Variants in ZNF567 observed in about 807,000 individuals in gnomAD.
The protein encoded by ZNF567 is zinc finger protein 567.
ZNF567 carries 36 observed loss-of-function variants against 53.9 expected under a neutral mutation model. The observed-to-expected ratio is 0.67, with a 90% confidence interval of 0.51 to 0.88. The LOEUF (loss-of-function observed/expected upper bound fraction) is 0.88, where lower values mean the gene tolerates loss of function less well. Among genes scored for constraint, ZNF567 ranks in the 40% least tolerant of loss-of-function variants. The pLI, the probability that ZNF567 is intolerant of heterozygous loss-of-function variation, is 0.00. For missense variants in ZNF567, 619 were observed against 764.7 expected, an observed-to-expected ratio of 0.81 and a Z score of 2.25; for synonymous variants, 224 against 260.4, an observed-to-expected ratio of 0.86 and a Z score of 1.35.
At position 36,720,837 on chromosome 19, in the gene ZNF567, G is replaced by T; in HGVS notation, c.*169G>T. Reference sequence around the variant, plus strand: ...GTTTACTAGCATATAAAATAAGTATGATCATTATTATTGAACTCTATCAGC... The same window carrying T: ...GTTTACTAGCATATAAAATAAGTATTATCATTATTATTGAACTCTATCAGC... On this transcript the variant is annotated 3_prime_UTR_variant, in exon 6 of 6. Coordinates refer to ENST00000682579, the MANE Select transcript of ZNF567 (RefSeq NM_001322917.1). The T allele has an allele frequency of 1.8e-6, 1 of 542,954 alleles. No individual in the cohort carries two copies. Among genetic ancestry groups the T allele is most frequent in the Non-Finnish European group, 2.9e-6 (1 of 347,704 alleles). 33.6% of individuals were successfully genotyped at this position (542,954 alleles called of 1,614,324 possible).
At position 36,689,506 on chromosome 19, in the gene ZNF567, TCTCTTA is replaced by T. The variant is rs1033937422; in HGVS notation, c.-67+11_-67+16del. The T allele has an allele frequency of 6.6e-6, 1 of 152,058 alleles. No homozygotes were observed. Among genetic ancestry groups the T allele is most frequent in the Non-Finnish European group, 1.5e-5 (1 of 68,028 alleles). 9.4% of individuals were successfully genotyped at this position (152,058 alleles called of 1,614,324 possible). On this transcript the variant is annotated intron_variant, in intron 2 of 5. Coordinates refer to ENST00000682579, the MANE Select transcript of ZNF567 (RefSeq NM_001322917.1). ...TACCACTATAATTTAGTGTAAGTCA[TCTCTTA>T]CCTTCCAAGAGAACCTGCTGCTTGG...
chr19:36,720,748 T>C lies in ZNF567; in HGVS notation c.*80T>C, dbSNP rs2040273725. On this transcript the variant is annotated 3_prime_UTR_variant, in exon 6 of 6. Coordinates refer to ENST00000682579, the MANE Select transcript of ZNF567 (RefSeq NM_001322917.1). ...AAAAAGAAAAGCATGCTGAAACATG[T>C]TAATGTAATTTTAAATCACAAGTCT... The C allele has an allele frequency of 1.6e-6, 2 of 1,267,020 alleles. No individual in the cohort carries two copies. Among genetic ancestry groups the C allele is most frequent in the Non-Finnish European group, 2.1e-6 (2 of 939,896 alleles). The allele number at this position is 1,267,020 out of a possible 1,614,324, so 78.5% of individuals were successfully genotyped here.
chr19:36,672,340 TC>T, the ZNF567 span, among the ~76,000 whole-genome samples: 12 of 152,330 alleles, frequency 7.9e-5, no homozygotes, highest in African/African-American at 2.9e-4. Flanking sequence ...GATATGGACC[TC>T]GCTGAACAGG....
At chr19:36,687,876 G>A (rs1199546885) in intron 1 of ZNF567, among the ~76,000 whole-genome samples, 1 of 152,210 alleles carries the variant, frequency 6.6e-6, no homozygotes, top group Non-Finnish European at 1.5e-5. Flanking sequence ...CCCGAGGCGG[G>A]GGGTGAGCTC....
At chr19:36,710,077 G>A (rs1280821903) in intron 3 of ZNF567, among the ~76,000 whole-genome samples, 2 of 151,900 alleles carry the variant, frequency 1.3e-5, no homozygotes, top group African/African-American at 2.4e-5. Flanking sequence ...TATCCATGTT[G>A]GATTTTTGAA....
At chr19:36,677,823 C>G in the ZNF567 span, among the ~76,000 whole-genome samples, 1 of 152,084 alleles carries the variant, frequency 6.6e-6, no homozygotes, top group African/African-American at 2.4e-5. Context: ...TATTTATAAT[C>G]TGCTTGCTGG....
At chr19:36,705,272 G>T (rs1045170880) in intron 3 of ZNF567, among the ~76,000 whole-genome samples, 1 of 152,002 alleles carries the variant, frequency 6.6e-6, no homozygotes, top group Non-Finnish European at 1.5e-5. Context: ...TTCTTACATA[G>T]ATGGAAGTGT....
At chr19:36,695,579 G>A (rs1183430844) in intron 3 of ZNF567, among the ~76,000 whole-genome samples, 1 of 151,968 alleles carries the variant, frequency 6.6e-6, no homozygotes, top group Non-Finnish European at 1.5e-5. Context: ...TGCACCTGTG[G>A]TCCCAGTTAT....
At chr19:36,694,909 GTC>G (rs2145603658) in intron 3 of ZNF567, 33 bp downstream of exon 3, 2 of 1,327,510 alleles carry the variant, frequency 1.5e-6, no homozygotes, top group South Asian at 1.4e-5. Flanking sequence ...CTTTCTGAAA[GTC>G]TTTTTTTTTT....
chr19:36,719,263 A>G lies in ZNF567; in HGVS notation c.539A>G (p.Glu180Gly). The change falls in exon 6 of 6, where the codon GAA becomes GGA. Residue 180 changes from glutamate (E) to glycine (G), a missense_variant. Physicochemically the swap from Glu to Gly is moderately conservative, Grantham distance 98. Coordinates refer to ENST00000682579, the MANE Select transcript of ZNF567 (RefSeq NM_001322917.1). ...ACTAAACAAGAGACTACTCATCCTG[A>G]AGTCAAATCCCATAATCAAAGTGCC... ...LSTKQETTHPEVKSHNQSARA... is the reference protein window; with the variant it reads ...LSTKQETTHPGVKSHNQSARA... 1 of 1,614,088 alleles carries G rather than the reference A, an allele frequency of 6.2e-7. No homozygotes were observed. Among genetic ancestry groups the G allele is most frequent in the Non-Finnish European group, 8.5e-7 (1 of 1,179,994 alleles).
intron 3 of ZNF567, among the ~76,000 whole-genome samples, chr19:36,699,556 A>G (rs1025373138): frequency 1.3e-5 from 2 of 152,214 alleles, no homozygotes; most frequent in Admixed American, 6.5e-5. Context: ...ACCCATGAGC[A>G]TGGAATGTTC....
chr19:36,713,182 T>C (rs894425356), intron 5 of ZNF567, among the ~76,000 whole-genome samples: 7 of 151,830 alleles, frequency 4.6e-5, no homozygotes, highest in Non-Finnish European at 8.8e-5. Flanking sequence ...AGGTTGGGTG[T>C]GGTGGCTCAC....
intron 1 of ZNF567, among the ~76,000 whole-genome samples, chr19:36,688,177 CT>C (rs1430394381): frequency 6.6e-6 from 1 of 151,826 alleles, no homozygotes; most frequent in Non-Finnish European, 1.5e-5. Context: ...AAGGTTGTTA[CT>C]TTTTGTAGAA....
downstream of ZNF567, chr19:36,723,173 T>C (rs2040318450): frequency 5.7e-6 from 4 of 702,938 alleles, no homozygotes; most frequent in South Asian, 5.9e-5. Flanking sequence ...GATGGAAGCC[T>C]ACCTTGTTTT....
chr19:36,720,847 A>G lies in ZNF567; in HGVS notation c.*179A>G. 2 of 491,782 alleles carry G rather than the reference A, an allele frequency of 4.1e-6. No individual in the cohort carries two copies. The highest frequency in any genetic ancestry group is 6.5e-6 in the Non-Finnish European group (2 of 305,686). The allele number at this position is 491,782 out of a possible 1,614,324, so 30.5% of individuals were successfully genotyped here. ...ATATAAAATAAGTATGATCATTATT[A>G]TTGAACTCTATCAGCTATGAAGCTA... is the stretch of plus-strand genomic sequence containing the variant. On this transcript the variant is annotated 3_prime_UTR_variant, in exon 6 of 6. Transcript: ENST00000682579.
At chr19:36,715,521 T>G (rs12462376) in intron 5 of ZNF567, among the ~76,000 whole-genome samples, 1 of 92,038 alleles carries the variant, frequency 1.1e-5, no homozygotes, top group Non-Finnish European at 2.1e-5. Flanking sequence ...TTATTATTAT[T>G]ATTATTATTA....
intron 2 of ZNF567, among the ~76,000 whole-genome samples, chr19:36,691,141 A>AT (rs973090408): frequency 3.4e-5 from 5 of 149,176 alleles, no homozygotes; most frequent in African/African-American, 1.2e-4. Context: ...GATACTTTGG[A>AT]TTTTTTTGTT....
At chr19:36,721,998 C>G (rs900081070), downstream of ZNF567, among the ~76,000 whole-genome samples, 58 of 152,206 alleles carry the variant, frequency 3.8e-4, no homozygotes, top group African/African-American at 1.4e-3. Flanking sequence ...CTGCCTCGGC[C>G]TCCCAAAGTG....
chr19:36,691,661 C>T (rs1195390534), intron 2 of ZNF567, among the ~76,000 whole-genome samples: 1 of 152,154 alleles, frequency 6.6e-6, no homozygotes, highest in African/African-American at 2.4e-5. Flanking sequence ...TCCAATCACC[C>T]TGGCACAGAA....
Sources: allele counts gnomAD v4.1 joint callset (sites outside exome capture counted in the v4.1 genomes callset), GRCh38; gene constraint gnomAD v4.1.1; transcripts MANE v1.5; gene names NCBI Gene and HGNC (gene_info 2026-07-23, HGNC 2026-07-21).